ZBTB10: variants seen among roughly 807,000 people sequenced by gnomAD.
ZBTB10 encodes zinc finger and BTB domain-containing protein 10.
A neutral mutation model predicts 76.4 loss-of-function variants in ZBTB10; 32 were observed. The observed-to-expected ratio is 0.42, with a 90% CI of 0.32 to 0.56. The LOEUF is 0.56. Ranked by LOEUF, ZBTB10 falls within the 20% of genes least tolerant of loss-of-function variation. The probability of loss-of-function intolerance (pLI) is 0.14; values close to 1 mark genes in which losing one functional copy is unlikely to be tolerated. For missense variants in ZBTB10, 1,057 were observed against 1,098.5 expected, an observed-to-expected ratio of 0.96 and a Z score of 0.53; for synonymous variants, 523 against 432.9, an observed-to-expected ratio of 1.21 and a Z score of -2.58.
chr8:80,489,624 T>C (rs950314981), intron 1 of ZBTB10, among the ~76,000 whole-genome samples: 3 of 152,198 alleles, frequency 2.0e-5, no homozygotes, highest in African/African-American at 7.2e-5. Flanking sequence ...TAGCCTCAGC[T>C]TGAGTGTATT....
Position 80,513,737 on chromosome 8 carries a change from A to G in ZBTB10, c.1862-173A>G, listed in dbSNP as rs1816256453. On this transcript the variant is annotated intron_variant, in intron 2 of 5. Transcript: ENST00000455036. ...AGCCCATTCCTAACCAGTACACTGT[A>G]CTCACTGTACATGTCTTAGGCTTCT... Among the ~76,000 whole-genome samples, 3 of 149,482 alleles carry G rather than the reference A, an allele frequency of 2.0e-5. No individual in the cohort carries two copies. In the Admixed American group the frequency reaches 2.0e-4, roughly 10 times the overall value.
At chr8:80,499,419 A>G in intron 1 of ZBTB10, 75 bp from the exon 2 acceptor site, 1 of 1,411,020 alleles carries the variant, frequency 7.1e-7, no homozygotes, top group Non-Finnish European at 9.4e-7. Context: ...AAAACTTGAT[A>G]ATTGTTTTCC....
chr8:80,497,039 A>G (rs1303478281), intron 1 of ZBTB10, among the ~76,000 whole-genome samples: 1 of 152,232 alleles, frequency 6.6e-6, no homozygotes, highest in Non-Finnish European at 1.5e-5. Context: ...TAGGCAAATT[A>G]ATAAAATTTA....
Position 80,487,359 on chromosome 8 carries a change from CACCGAG to C in ZBTB10, c.550_555del (p.Thr184_Glu185del). 1 of 1,528,776 alleles carries C rather than the reference CACCGAG, an allele frequency of 6.5e-7. No individual in the cohort carries two copies. 94.7% of individuals were successfully genotyped at this position (1,528,776 alleles called of 1,614,324 possible). On this transcript the variant is annotated inframe_deletion, in exon 1 of 6. Transcript: ENST00000455036. ...AGGACGGCGCGTCCCTGAGCGACAG[CACCGAG>C]GACGAGGAGGAGGGGGCGAGCCTGG...
At position 80,500,909 on chromosome 8, in the gene ZBTB10, G is replaced by C. The variant is rs186047453; in HGVS notation, c.1861+527G>C. On this transcript the variant is annotated intron_variant, in intron 2 of 5. Transcript: ENST00000455036. Reference sequence around the variant, plus strand: ...TTTGTTTATTTATTTTTTTGAGTCGGAGTCTCACTCTATAGCCCAGGCTGG... The same window carrying C: ...TTTGTTTATTTATTTTTTTGAGTCGCAGTCTCACTCTATAGCCCAGGCTGG... Among the ~76,000 whole-genome samples, 9 of 152,164 alleles carry C rather than the reference G, an allele frequency of 5.9e-5. No individual in the cohort carries two copies. In the East Asian group the frequency reaches 1.7e-3, roughly 29 times the overall value.
upstream of ZBTB10, chr8:80,485,839 AAC>A: frequency 6.5e-7 from 1 of 1,535,880 alleles, no homozygotes; most frequent in Admixed American, 2.0e-5. Flanking sequence ...GTCCCAGGTG[AAC>A]TCGTGGCGAG....
At chr8:80,512,566 T>G (rs272607) in intron 2 of ZBTB10, among the ~76,000 whole-genome samples, 68,063 of 151,914 alleles carry the variant, frequency 0.45, 19,773 homozygotes, top group African/African-American at 0.83. Context: ...ACAAAAATTA[T>G]CCAGGTGTGG....
chr8:80,506,301 G>GT (rs1251549212), intron 2 of ZBTB10, among the ~76,000 whole-genome samples: 6 of 151,350 alleles, frequency 4.0e-5, no homozygotes, highest in Admixed American at 2.0e-4. Flanking sequence ...ATATTCATGG[G>GT]TTTTTTTTCT....
chr8:80,526,170 A>G lies in ZBTB10; in HGVS notation c.*6642A>G, dbSNP rs1467613005. On this transcript the variant is annotated 3_prime_UTR_variant, in exon 6 of 6. Transcript: ENST00000455036. ...ATACACCACTAACATTTAAATGCCC[A>G]ACATTCGGTCTATACGTGAAAAAAC... The G allele has an allele frequency of 4.6e-5, 7 of 152,190 alleles. No individual in the cohort carries two copies. Among genetic ancestry groups the G allele is most frequent in the African/African-American group, 1.7e-4 (7 of 41,462 alleles). 9.4% of individuals were successfully genotyped at this position (152,190 alleles called of 1,614,324 possible).
intron 1 of ZBTB10, among the ~76,000 whole-genome samples, chr8:80,498,770 A>G (rs1185359136): frequency 6.6e-6 from 1 of 152,250 alleles, no homozygotes; most frequent in Non-Finnish European, 1.5e-5. Context: ...TAGAACTATA[A>G]TGAATACCTG....
At position 80,486,732 on chromosome 8, in the gene ZBTB10, G is replaced by C; in HGVS notation, c.-79G>C. 1 of 1,009,338 alleles carries C rather than the reference G, an allele frequency of 9.9e-7. No homozygotes were observed. The allele number at this position is 1,009,338 out of a possible 1,614,324, so 62.5% of individuals were successfully genotyped here. A position where few individuals can be genotyped will look rare whatever the true frequency, so the allele number is the denominator to read the frequency against. ...GGGGCGGGGGCGAGACAGAGGGGGAGCCGCGGGGAGCGCGCGGGACGCGGC... is the reference window on the plus strand; with the variant it reads ...GGGGCGGGGGCGAGACAGAGGGGGACCCGCGGGGAGCGCGCGGGACGCGGC... On this transcript the variant is annotated 5_prime_UTR_variant, in exon 1 of 6. Coordinates refer to ENST00000455036, the MANE Select transcript of ZBTB10 (RefSeq NM_001105539.3).
intron 1 of ZBTB10, among the ~76,000 whole-genome samples, chr8:80,496,143 G>A (rs1179183748): frequency 3.9e-5 from 6 of 152,134 alleles, no homozygotes; most frequent in African/African-American, 9.7e-5. Flanking sequence ...GAACCAAAGA[G>A]GCAAAGATAC....
chr8:80,496,248 T>G (rs1224092336), intron 1 of ZBTB10, among the ~76,000 whole-genome samples: 1 of 152,214 alleles, frequency 6.6e-6, no homozygotes, highest in African/African-American at 2.4e-5. Flanking sequence ...CAGTTTATTT[T>G]AGTGCTTTGT....
chr8:80,510,639 A>AGT (rs58749656), intron 2 of ZBTB10, among the ~76,000 whole-genome samples: 4,902 of 125,700 alleles, frequency 0.039, 98 homozygotes, highest in South Asian at 0.11. Context: ...TTGTGAAACC[A>AGT]GTGTGTGTGT....
Position 80,521,772 on chromosome 8 carries a change from T to C in ZBTB10, c.*2244T>C, listed in dbSNP as rs1348403708. The C allele has an allele frequency of 6.6e-6, 1 of 151,870 alleles. No individual in the cohort carries two copies. The highest frequency in any genetic ancestry group is 2.4e-5 in the African/African-American group (1 of 41,434). 9.4% of individuals were successfully genotyped at this position (151,870 alleles called of 1,614,324 possible). A position where few individuals can be genotyped will look rare whatever the true frequency, so the allele number is the denominator to read the frequency against. ...ACAGTAAATTGAAATACACACTTGG[T>C]ACACTACGGGATTGTTGTGCTTTTG... On this transcript the variant is annotated 3_prime_UTR_variant, in exon 6 of 6. Transcript: ENST00000455036.
intron 2 of ZBTB10, among the ~76,000 whole-genome samples, chr8:80,510,221 A>G (rs1360314198): frequency 6.6e-6 from 1 of 152,230 alleles, no homozygotes; most frequent in African/African-American, 2.4e-5. Context: ...GAGCATATCA[A>G]GTATCAGTAG....
At chr8:80,510,246 A>G (rs1816154942) in intron 2 of ZBTB10, among the ~76,000 whole-genome samples, 1 of 152,210 alleles carries the variant, frequency 6.6e-6, no homozygotes, top group Non-Finnish European at 1.5e-5. Flanking sequence ...GTACGTGTGA[A>G]TATACTTCTG....
chr8:80,515,554 G>A (rs147063065), intron 3 of ZBTB10, among the ~76,000 whole-genome samples: 2 of 152,278 alleles, frequency 1.3e-5, no homozygotes, highest in East Asian at 1.9e-4. Context: ...GTTGCTAACC[G>A]CGCAAGAAGA....
At chr8:80,498,605 C>T (rs1490907416) in intron 1 of ZBTB10, among the ~76,000 whole-genome samples, 1 of 152,200 alleles carries the variant, frequency 6.6e-6, no homozygotes, top group African/African-American at 2.4e-5. Context: ...TTTTAACTAA[C>T]ATTTGTAATA....
Sources: gnomAD v4.1 joint callset for allele counts (sites outside exome capture counted in the v4.1 genomes callset) on GRCh38, gnomAD v4.1.1 for gene constraint, MANE v1.5 for transcripts, NCBI Gene and HGNC (gene_info 2026-07-23, HGNC 2026-07-21) for gene names.